The following PMFBP1 variants were observed in gnomAD, a reference collection of about 807,000 sequenced individuals.
PMFBP1 encodes polyamine-modulated factor 1-binding protein 1.
In PMFBP1, 131 loss-of-function variants were observed where a neutral mutation model predicts 137.8. The ratio of observed to expected loss-of-function variants is 0.95; its 90% CI spans 0.82 to 1.10. The LOEUF is 1.10. PMFBP1 is among the 50% of genes least tolerant of loss of function. The pLI is 0.00. For missense variants in PMFBP1, 1,199 were observed against 1,175.4 expected (o/e 1.02, Z -0.29); for synonymous variants, 490 against 450.4 (o/e 1.09, Z -1.11).
At chr16:72,229,588 G>T in the PMFBP1 span, among the ~76,000 whole-genome samples, 1 of 151,568 alleles carries the variant, frequency 6.6e-6, no homozygotes, top group Non-Finnish European at 1.5e-5. Context: ...ATTTAGATTT[G>T]CCTTTCTCTA....
the PMFBP1 span, among the ~76,000 whole-genome samples, chr16:72,204,171 GT>G: frequency 6.7e-6 from 1 of 149,492 alleles, no homozygotes; most frequent in Admixed American, 6.6e-5. Flanking sequence ...TTCTTCTTGT[GT>G]TATTGTTACT....
At chr16:72,210,564 G>A in the PMFBP1 span, among the ~76,000 whole-genome samples, 2 of 151,476 alleles carry the variant, frequency 1.3e-5, no homozygotes, top group Non-Finnish European at 2.9e-5. Flanking sequence ...GAGTGCAGGT[G>A]AGCAAGGAAC....
At chr16:72,130,405 G>A (rs1172995814) in intron 11 of PMFBP1, 48 bp from the exon 12 acceptor site, 8 of 1,612,726 alleles carry the variant, frequency 5.0e-6, no homozygotes, top group African/African-American at 1.3e-5. Flanking sequence ...GTGCCCATGT[G>A]GGCAGATTGT....
the PMFBP1 span, among the ~76,000 whole-genome samples, chr16:72,209,687 T>C: frequency 2.0e-5 from 3 of 152,170 alleles, no homozygotes; most frequent in African/African-American, 7.2e-5. Context: ...TGCTCAGTAT[T>C]AGTTTAAGCC....
chr16:72,201,677 C>T, the PMFBP1 span, among the ~76,000 whole-genome samples: 1 of 152,246 alleles, frequency 6.6e-6, no homozygotes, highest in African/African-American at 2.4e-5. Context: ...TCAATCACAA[C>T]ATTTACCTTT....
At chr16:72,184,041 T>C in the PMFBP1 span, among the ~76,000 whole-genome samples, 1 of 152,178 alleles carries the variant, frequency 6.6e-6, no homozygotes, top group African/African-American at 2.4e-5. Context: ...TTTCTCCTTC[T>C]AGAAATGCTT....
the PMFBP1 span, among the ~76,000 whole-genome samples, chr16:72,209,502 T>G: frequency 6.6e-6 from 1 of 152,022 alleles, no homozygotes; most frequent in Non-Finnish European, 1.5e-5. Context: ...TATCCATGCA[T>G]GTACTATCTG....
chr16:72,129,492 C>T (rs1326464661), intron 12 of PMFBP1, among the ~76,000 whole-genome samples: 2 of 152,134 alleles, frequency 1.3e-5, no homozygotes, highest in East Asian at 1.9e-4. Flanking sequence ...CCAATTCTTC[C>T]CAAAGATTAG....
upstream of PMFBP1, among the ~76,000 whole-genome samples, chr16:72,181,261 A>T (rs1047530559): frequency 1.3e-4 from 20 of 151,450 alleles, no homozygotes; most frequent in Non-Finnish European, 2.8e-4. Flanking sequence ...TAATAATAAT[A>T]ATAATTAAAT....
rs554673287 is a variant in PMFBP1 at position 72,130,205 on chromosome 16, C to A, written c.1782+8G>T. ...CACTTGAATGGGCCATCTGCCTGCC[C>A]GTCATACCTGGTGCTTGATACGATC... On this transcript the variant is annotated splice_region_variant and intron_variant, in intron 12 of 20. Coordinates refer to ENST00000237353, the MANE Select transcript of PMFBP1 (RefSeq NM_031293.3). 1 of 1,611,186 alleles carries A rather than the reference C, an allele frequency of 6.2e-7. No individual in the cohort carries two copies. The highest frequency in any genetic ancestry group is 1.3e-5 in the African/African-American group (1 of 74,880).
At chr16:72,242,592 G>C in the PMFBP1 span, among the ~76,000 whole-genome samples, 1 of 152,166 alleles carries the variant, frequency 6.6e-6, no homozygotes, top group African/African-American at 2.4e-5. Context: ...GTTTGGTCTT[G>C]ATTACACTGC....
intron 18 of PMFBP1, 133 bp from the exon 19 acceptor site, chr16:72,123,121 G>T: frequency 1.3e-6 from 1 of 760,718 alleles, no homozygotes; most frequent in Non-Finnish European, 2.2e-6. Context: ...GCATCACCCC[G>T]TCCGCAGAGC....
the PMFBP1 span, among the ~76,000 whole-genome samples, chr16:72,229,534 T>C: frequency 6.6e-6 from 1 of 152,170 alleles, no homozygotes; most frequent in East Asian, 1.9e-4. Context: ...TTTTTCTTTT[T>C]AATAATAGGC....
the PMFBP1 span, among the ~76,000 whole-genome samples, chr16:72,225,546 A>C: frequency 6.6e-6 from 1 of 151,558 alleles, no homozygotes; most frequent in Non-Finnish European, 1.5e-5. Flanking sequence ...CTCTACAAAA[A>C]CAAAACAAAA....
At chr16:72,192,743 A>G in the PMFBP1 span, among the ~76,000 whole-genome samples, 3 of 151,970 alleles carry the variant, frequency 2.0e-5, no homozygotes, top group Admixed American at 1.3e-4. Context: ...CTCTACTAAA[A>G]TACAAAAAAT....
At position 72,129,182 on chromosome 16, in the gene PMFBP1, C is replaced by A. The variant is rs2144271827; in HGVS notation, c.1834G>T (p.Ala612Ser). 2 of 1,614,096 alleles carry A rather than the reference C, an allele frequency of 1.2e-6. No homozygotes were observed. The highest frequency in any genetic ancestry group is 2.2e-5 in the East Asian group (1 of 44,888). ...CGTTTGTCCTCCAGAAGCTTTGTGG[C>A]CTCCTGAAGATCTTCTTCTAACTTG... ...KCKLEEDLQE[A>S]TKLLEDKREQ... Residue 612 changes from alanine to serine, a missense_variant, in exon 13 of 21, where the codon GCC becomes TCC. Coordinates refer to ENST00000237353, the MANE Select transcript of PMFBP1 (RefSeq NM_031293.3).
chr16:72,140,812 C>G (rs1031669118), intron 5 of PMFBP1, among the ~76,000 whole-genome samples: 2 of 151,878 alleles, frequency 1.3e-5, no homozygotes, highest in Non-Finnish European at 2.9e-5. Flanking sequence ...TCCATCCTAA[C>G]TATGACTCAG....
chr16:72,248,275 C>T, the PMFBP1 span, among the ~76,000 whole-genome samples: 2 of 152,164 alleles, frequency 1.3e-5, no homozygotes, highest in African/African-American at 4.8e-5. Flanking sequence ...GTGTGTTGGA[C>T]ACTTAAAACT....
chr16:72,129,329 A>T (rs2042513057), intron 12 of PMFBP1, 96 bp from the exon 13 acceptor site: 2 of 1,374,678 alleles, frequency 1.5e-6, no homozygotes, highest in South Asian at 2.9e-5. Flanking sequence ...GGCTGAGATG[A>T]AGAAGAAGAC....
Sources: gnomAD v4.1 joint callset for allele counts (sites outside exome capture counted in the v4.1 genomes callset) on GRCh38, gnomAD v4.1.1 for gene constraint, MANE v1.5 for transcripts, NCBI Gene and HGNC (gene_info 2026-07-23, HGNC 2026-07-21) for gene names.